The following THSD7A variants were observed in gnomAD, a reference collection of about 807,000 sequenced individuals.
THSD7A encodes the protein thrombospondin type 1 domain containing 7A.
THSD7A carries 96 observed loss-of-function variants against 231.3 expected under a neutral mutation model. The observed-to-expected ratio is 0.41, with a 90% CI of 0.35 to 0.49. THSD7A has a LOEUF of 0.49. THSD7A is among the 20% of genes least tolerant of loss of function. The probability of loss-of-function intolerance (pLI) is 0.05; values close to 1 mark genes in which losing one functional copy is unlikely to be tolerated. For synonymous variants in THSD7A, 940 were observed against 743.3 expected (o/e 1.26, Z -4.30); for missense variants, 2,290 against 2,070.2 (o/e 1.11, Z -2.06).
intron 2 of THSD7A, among the ~76,000 whole-genome samples, chr7:11,635,008 C>T (rs539671814): frequency 3.9e-5 from 6 of 152,042 alleles, no homozygotes; most frequent in Non-Finnish European, 7.4e-5. Context: ...TAATAAACAA[C>T]ATGCATGCCA....
At chr7:11,810,297 C>T (rs1355805629) in intron 1 of THSD7A, among the ~76,000 whole-genome samples, 1 of 152,138 alleles carries the variant, frequency 6.6e-6, no homozygotes, top group Non-Finnish European at 1.5e-5. Flanking sequence ...TCATCTCTCA[C>T]CTCTCAGAGT....
chr7:11,783,286 T>C (rs1001536887), intron 1 of THSD7A, among the ~76,000 whole-genome samples: 1 of 152,136 alleles, frequency 6.6e-6, no homozygotes, highest in African/African-American at 2.4e-5. Context: ...ATTAGCCTAC[T>C]GGTGGGCAAA....
intron 1 of THSD7A, among the ~76,000 whole-genome samples, chr7:11,724,036 C>G (rs186340403): frequency 1.3e-5 from 2 of 151,744 alleles, no homozygotes; most frequent in African/African-American, 4.8e-5. Context: ...CAGGCAAGAA[C>G]TTAAATAAAA....
Position 11,538,434 on chromosome 7 carries a change from C to T in THSD7A, c.1822+2985G>A, listed in dbSNP as rs968465819. ...GAATAATACTTTTTTCCCCTTGCTCCGGTCCAATAGCCTGGTTTGTTCAGC... is the reference window on the plus strand; with the variant it reads ...GAATAATACTTTTTTCCCCTTGCTCTGGTCCAATAGCCTGGTTTGTTCAGC... On this transcript the variant is annotated intron_variant, in intron 6 of 27. Coordinates refer to ENST00000423059, the MANE Select transcript of THSD7A (RefSeq NM_015204.3). Among the ~76,000 whole-genome samples, 11 of 152,144 alleles carry T rather than the reference C, an allele frequency of 7.2e-5. No individual in the cohort carries two copies. The East Asian group carries it at 1.6e-3, about 21-fold the overall frequency.
At chr7:11,413,665 G>A (rs1301975296) in intron 17 of THSD7A, 1 of 152,222 alleles carries the variant, frequency 6.6e-6, no homozygotes, top group African/African-American at 2.4e-5. Flanking sequence ...TAAAGCTAAT[G>A]AAAGGCCATC....
intron 4 of THSD7A, among the ~76,000 whole-genome samples, chr7:11,567,299 T>C (rs1790392241): frequency 6.6e-6 from 1 of 151,832 alleles, no homozygotes; most frequent in Non-Finnish European, 1.5e-5. Flanking sequence ...AAGTGCAGAG[T>C]AAAGGGGGAA....
chr7:11,729,529 C>T (rs73296451), intron 1 of THSD7A, among the ~76,000 whole-genome samples: 2,056 of 151,816 alleles, frequency 0.014, 49 homozygotes, highest in African/African-American at 0.047. Context: ...ACAAAAAACA[C>T]GATCTATACT....
intron 1 of THSD7A, among the ~76,000 whole-genome samples, chr7:11,802,437 G>C (rs554962221): frequency 6.6e-6 from 1 of 152,264 alleles, no homozygotes; most frequent in African/African-American, 2.4e-5. Context: ...CTGAGATTTT[G>C]AATGTGTGAT....
intron 1 of THSD7A, among the ~76,000 whole-genome samples, chr7:11,642,918 C>A (rs1782139711): frequency 6.6e-6 from 1 of 152,082 alleles, no homozygotes; most frequent in East Asian, 1.9e-4. Context: ...TCTTTCCCCA[C>A]CATATTCAAC....
chr7:11,548,757 A>G (rs1290869620), intron 4 of THSD7A, among the ~76,000 whole-genome samples: 3 of 152,100 alleles, frequency 2.0e-5, no homozygotes, highest in East Asian at 1.9e-4. Context: ...CAAAAATCAC[A>G]TGATTATCTC....
In THSD7A at chr7:11,379,610, C is replaced by A; in HGVS notation, c.4590+20G>T. The A allele has an allele frequency of 6.4e-7, 1 of 1,564,470 alleles. No homozygotes were observed. The highest frequency in any genetic ancestry group is 1.2e-5 in the South Asian group (1 of 85,018). On this transcript the variant is annotated intron_variant, in intron 25 of 27. Transcript: ENST00000423059. ...CACATGATGGAGCTGGCTTGTCTGC[C>A]CTGATGAATTTTCACATACCTCGCT...
intron 1 of THSD7A, chr7:11,821,049 G>T: frequency 1.0e-6 from 1 of 980,458 alleles, no homozygotes; most frequent in Non-Finnish European, 1.6e-6. Flanking sequence ...TTCATCACGA[G>T]CCAAACCATG....
chr7:11,473,090 A>G (rs1414058843), intron 8 of THSD7A, among the ~76,000 whole-genome samples: 1 of 152,122 alleles, frequency 6.6e-6, no homozygotes, highest in Non-Finnish European at 1.5e-5. Flanking sequence ...TAGTCTTTCA[A>G]TTTATTCAAA....
intron 2 of THSD7A, among the ~76,000 whole-genome samples, chr7:11,618,818 G>T (rs895059447): frequency 3.3e-5 from 5 of 151,022 alleles, no homozygotes; most frequent in Admixed American, 6.6e-5. Context: ...AGAAGGAGAA[G>T]AATAAATTTA....
chr7:11,417,327 C>T, intron 17 of THSD7A, 123 bp downstream of exon 17: 7 of 1,002,716 alleles, frequency 7.0e-6, no homozygotes, highest in South Asian at 5.4e-5. Flanking sequence ...CCTTGCTTTG[C>T]TAAATATGGC....
At chr7:11,393,945 G>A (rs1783081854) in intron 23 of THSD7A, among the ~76,000 whole-genome samples, 1 of 149,364 alleles carries the variant, frequency 6.7e-6, no homozygotes, top group Non-Finnish European at 1.5e-5. Context: ...ACACTCTTCA[G>A]GATATTATCC....
intron 13 of THSD7A, among the ~76,000 whole-genome samples, chr7:11,429,799 T>A (rs1255711801): frequency 6.6e-6 from 1 of 152,218 alleles, no homozygotes; most frequent in Non-Finnish European, 1.5e-5. Context: ...GAGCGATGAC[T>A]GACTGAGTCC....
chr7:11,705,996 G>T (rs894205753), intron 1 of THSD7A, among the ~76,000 whole-genome samples: 5 of 150,804 alleles, frequency 3.3e-5, no homozygotes, highest in African/African-American at 4.9e-5. Context: ...TAGTCTCTAT[G>T]CTACACAAAT....
Position 11,814,074 on chromosome 7 carries a change from A to G in THSD7A, c.190+17683T>C, listed in dbSNP as rs1583312372. On this transcript the variant is annotated intron_variant, in intron 1 of 27. Transcript: ENST00000423059. The surrounding 1 kb of genome is among the most constrained non-coding windows in gnomAD (Gnocchi z 5.1). The stretch of plus-strand genomic sequence containing the variant: ...GATCACGCAAGTTATGATGCCATTC[A>G]TATGAAAGGTCCAGACTAGGCGAAT... Among the ~76,000 whole-genome samples the G allele has an allele frequency of 6.6e-6, 1 of 152,204 alleles. No individual in the cohort carries two copies. The highest frequency in any genetic ancestry group is 2.1e-4 in the South Asian group (1 of 4,832).
Sources: gnomAD v4.1 joint callset for allele counts (sites outside exome capture counted in the v4.1 genomes callset) on GRCh38, gnomAD v4.1.1 for gene constraint, Gnocchi (gnomAD v3.1) non-coding constraint, MANE v1.5 for transcripts, NCBI Gene and HGNC (gene_info 2026-07-23, HGNC 2026-07-21) for gene names.